The following CLMN variants were observed in gnomAD, a reference collection of about 807,000 sequenced individuals.
CLMN encodes calmin.
Under a neutral mutation model 92.7 loss-of-function variants are expected in CLMN, and 57 were observed. The ratio of observed to expected loss-of-function variants is 0.61; its 90% CI spans 0.50 to 0.77. The LOEUF is 0.77. CLMN is among the 30% of genes least tolerant of loss of function. The pLI, the probability that CLMN is intolerant of heterozygous loss-of-function variation, is 0.00. For missense variants in CLMN, 1,158 were observed against 1,237.5 expected (o/e 0.94, Z 0.96); for synonymous variants, 466 against 470.6 (o/e 0.99, Z 0.13).
At position 95,228,838 on chromosome 14, in the gene CLMN, C is replaced by A. The variant is rs187991459; in HGVS notation, c.144+1234G>T. Among the ~76,000 whole-genome samples, 333 of 152,308 alleles carry A rather than the reference C, an allele frequency of 2.2e-3. 2 individuals carry two copies. Among genetic ancestry groups the A allele is most frequent in the African/African-American group, 7.6e-3 (314 of 41,556 alleles). On this transcript the variant is annotated intron_variant, in intron 2 of 12. Transcript: ENST00000298912. ...TACGGGCATGAGCCACCACGCCCAG[C>A]TAATTTTTGTATTTTTAGTAGAGAC... is the stretch of plus-strand genomic sequence containing the variant.
intron 1 of CLMN, among the ~76,000 whole-genome samples, chr14:95,317,182 C>T (rs1441276474): frequency 6.6e-6 from 1 of 152,194 alleles, no homozygotes; most frequent in Non-Finnish European, 1.5e-5. Context: ...CTAAGCTCGG[C>T]GTGGAGCACC....
At chr14:95,221,569 A>C (rs961650699) in intron 4 of CLMN, 122 bp downstream of exon 4, 2 of 815,044 alleles carry the variant, frequency 2.5e-6, no homozygotes, top group Admixed American at 5.3e-5. Context: ...GCTTAGTTTA[A>C]TTTGACCATT....
chr14:95,238,631 T>C lies in CLMN; in HGVS notation c.83-8498A>G, dbSNP rs548091429. On this transcript the variant is annotated intron_variant, in intron 1 of 12. Transcript: ENST00000298912. ...TAGAGGCCCTCCCCCACCCAAATTC[T>C]TGGGCTCCTCCACCACCCCCTGCCA... is the stretch of plus-strand genomic sequence containing the variant. Among the ~76,000 whole-genome samples the C allele has an allele frequency of 2.0e-5, 3 of 152,252 alleles. No homozygotes were observed. In the South Asian group the frequency reaches 6.2e-4, roughly 32 times the overall value.
chr14:95,218,658 G>T (rs1201882929), intron 4 of CLMN, among the ~76,000 whole-genome samples: 1 of 152,216 alleles, frequency 6.6e-6, no homozygotes, highest in African/African-American at 2.4e-5. Flanking sequence ...GTCTGCATCT[G>T]AAACGCTCGT....
intron 1 of CLMN, among the ~76,000 whole-genome samples, chr14:95,245,270 T>TTA (rs1245242372): frequency 5.6e-5 from 3 of 53,730 alleles, no homozygotes; most frequent in East Asian, 5.1e-4. Context: ...TATATATATA[T>TTA]TATATATATA....
intron 4 of CLMN, among the ~76,000 whole-genome samples, chr14:95,217,195 C>G (rs560099568): frequency 6.6e-6 from 1 of 152,252 alleles, no homozygotes; most frequent in East Asian, 1.9e-4. Flanking sequence ...CAGGTCCACA[C>G]TGCAAAATTC....
chr14:95,221,887 G>A, intron 3 of CLMN, 113 bp from the exon 4 acceptor site: 5 of 1,036,854 alleles, frequency 4.8e-6, no homozygotes, highest in Non-Finnish European at 7.0e-6. Flanking sequence ...TCAAGAAAAA[G>A]TTAGGGGCTC....
rs377494458 is a variant in CLMN, at chr14:95,234,963, T to C, written c.83-4830A>G. Reference sequence around the variant, plus strand: ...CTACATATTGATAATATTTCTGCTCTTTGTTGCCCAGGAGAAAGTCTTCAT... The same window carrying C: ...CTACATATTGATAATATTTCTGCTCCTTGTTGCCCAGGAGAAAGTCTTCAT... On this transcript the variant is annotated intron_variant, in intron 1 of 12. Transcript: ENST00000298912. Among the ~76,000 whole-genome samples the C allele has an allele frequency of 2.8e-4, 42 of 152,348 alleles. No individual in the cohort carries two copies. In the South Asian group the frequency reaches 8.7e-3, roughly 32 times the overall value.
intron 10 of CLMN, among the ~76,000 whole-genome samples, chr14:95,195,445 G>A (rs1193114269): frequency 6.6e-6 from 1 of 152,218 alleles, no homozygotes; most frequent in Non-Finnish European, 1.5e-5. Context: ...TCCAGGCACA[G>A]AAGCAAGGCA....
chr14:95,214,593 C>T (rs1897283026), intron 5 of CLMN, among the ~76,000 whole-genome samples: 1 of 152,084 alleles, frequency 6.6e-6, no homozygotes, highest in African/African-American at 2.4e-5. Flanking sequence ...CTCAAGCGAC[C>T]CTGCCGCCAT....
chr14:95,228,654 C>T (rs989366603), intron 2 of CLMN, among the ~76,000 whole-genome samples: 8 of 152,226 alleles, frequency 5.3e-5, no homozygotes, highest in Non-Finnish European at 1.2e-4. Context: ...ACCATAAAGG[C>T]AGTCAATAGT....
intron 1 of CLMN, among the ~76,000 whole-genome samples, chr14:95,300,924 A>G (rs1464048135): frequency 6.6e-6 from 1 of 152,260 alleles, no homozygotes; most frequent in Non-Finnish European, 1.5e-5. Flanking sequence ...CTGCTGTTGC[A>G]TGAAGTTAAC....
At chr14:95,229,425 G>A (rs527392731) in intron 2 of CLMN, among the ~76,000 whole-genome samples, 37 of 152,308 alleles carry the variant, frequency 2.4e-4, no homozygotes, top group South Asian at 1.7e-3. Flanking sequence ...TGCAAGAAGA[G>A]AAAGAAACAG....
chr14:95,248,624 T>C (rs1000262012), intron 1 of CLMN, among the ~76,000 whole-genome samples: 3 of 152,188 alleles, frequency 2.0e-5, no homozygotes, highest in African/African-American at 7.2e-5. Context: ...CACCACCCCC[T>C]GCAATGCTGC....
At chr14:95,268,637 C>T (rs531582970) in intron 1 of CLMN, among the ~76,000 whole-genome samples, 1 of 152,118 alleles carries the variant, frequency 6.6e-6, no homozygotes, top group East Asian at 1.9e-4. Context: ...AACACACAAG[C>T]ACATAGATGA....
In CLMN at chr14:95,203,234, T is replaced by G. The variant is rs137935462; in HGVS notation, c.2115A>C (p.Glu705Asp). 3 of 1,613,784 alleles carry G rather than the reference T, an allele frequency of 1.9e-6. No homozygotes were observed. In the African/African-American group the frequency reaches 4.0e-5, roughly 22 times the overall value. Residue 705 changes from glutamate to aspartate, a missense_variant, in exon 9 of 13, where the codon GAA becomes GAC. Physicochemically the swap from Glu to Asp is conservative, Grantham distance 45 (BLOSUM62 2). Transcript: ENST00000298912. ...GGGAGGGCTTGAAATCCAGGCCTTC[T>G]TCGCTGTGACTCCCAAGGGTCTCCA... ...VSLETLGSHS[E>D]EGLDFKPSPP...
intron 9 of CLMN, among the ~76,000 whole-genome samples, chr14:95,201,694 C>T (rs1896888047): frequency 6.6e-6 from 1 of 151,700 alleles, no homozygotes; most frequent in Non-Finnish European, 1.5e-5. Context: ...GGTTTTAAGG[C>T]CCGCATGCAT....
At chr14:95,281,531 T>C (rs1489366407) in intron 1 of CLMN, among the ~76,000 whole-genome samples, 1 of 152,196 alleles carries the variant, frequency 6.6e-6, no homozygotes, top group Non-Finnish European at 1.5e-5. Flanking sequence ...AGACTGACCC[T>C]GCTTATTCCT....
Position 95,203,343 on chromosome 14 carries a change from T to C in CLMN, c.2006A>G (p.His669Arg), listed in dbSNP as rs949292507. ...EKAKRKSTRPHYEEEGEDDDL... is the reference protein window; with the variant it reads ...EKAKRKSTRPRYEEEGEDDDL... ...ATCGTCTTCTCCCTCTTCCTCATAA[T>C]GAGGACGGGTGGACTTTCTCTTGGC... is the stretch of plus-strand genomic sequence containing the variant. Residue 669 changes from histidine (H) to arginine (R), a missense_variant, in exon 9 of 13, where the codon CAT (histidine) becomes CGT (arginine). By Grantham distance (29) the His-to-Arg change is conservative. Coordinates refer to ENST00000298912, the MANE Select transcript of CLMN (RefSeq NM_024734.4). 3 of 1,613,998 alleles carry C rather than the reference T, an allele frequency of 1.9e-6. No homozygotes were observed. The highest frequency in any genetic ancestry group is 2.5e-6 in the Non-Finnish European group (3 of 1,180,020).
Sources: gnomAD v4.1 joint callset for allele counts (sites outside exome capture counted in the v4.1 genomes callset) on GRCh38, gnomAD v4.1.1 for gene constraint, MANE v1.5 for transcripts, NCBI Gene and HGNC (gene_info 2026-07-23, HGNC 2026-07-21) for gene names.